PLEKHG1: variants seen among roughly 807,000 people sequenced by gnomAD.
The protein encoded by PLEKHG1 is pleckstrin homology domain-containing family G member 1.
A neutral mutation model predicts 100.8 loss-of-function variants in PLEKHG1; 44 were observed. That is an observed-to-expected ratio of 0.44 (90% CI 0.34 to 0.56). The LOEUF (loss-of-function observed/expected upper bound fraction) is 0.56. Ranked by LOEUF, PLEKHG1 falls within the 20% of genes least tolerant of loss-of-function variation. The probability of loss-of-function intolerance (pLI) is 0.01; values close to 1 mark genes in which losing one functional copy is unlikely to be tolerated. For missense variants in PLEKHG1, 1,545 were observed against 1,720.9 expected (o/e 0.90, Z 1.81); for synonymous variants, 640 against 662.5 (o/e 0.97, Z 0.52).
intron 1 of PLEKHG1, among the ~76,000 whole-genome samples, chr6:150,614,670 T>C (rs563023666): frequency 3.2e-4 from 48 of 152,238 alleles, no homozygotes; most frequent in African/African-American, 1.1e-3. Flanking sequence ...CCGTCCACAC[T>C]CCTGGCTCTC....
intron 2 of PLEKHG1, among the ~76,000 whole-genome samples, chr6:150,737,294 T>C (rs1486281033): frequency 1.3e-5 from 2 of 150,260 alleles, no homozygotes; most frequent in Admixed American, 6.6e-5. Flanking sequence ...TTTTTTTTTT[T>C]TTTTTTTTGA....
intron 1 of PLEKHG1, among the ~76,000 whole-genome samples, chr6:150,622,912 T>C (rs1562389699): frequency 6.6e-6 from 1 of 152,086 alleles, no homozygotes; most frequent in Admixed American, 6.5e-5. Context: ...ATCCCCCCTC[T>C]CAGGGAAAAA....
chr6:150,719,211 G>C (rs1489352628), upstream of PLEKHG1, among the ~76,000 whole-genome samples: 1 of 151,980 alleles, frequency 6.6e-6, no homozygotes, highest in Non-Finnish European at 1.5e-5. Flanking sequence ...CACACACACA[G>C]CAACTTTGCT....
chr6:150,668,217 T>C (rs116837898), intron 3 of PLEKHG1, among the ~76,000 whole-genome samples: 3,678 of 152,314 alleles, frequency 0.024, 80 homozygotes, highest in South Asian at 0.07. Flanking sequence ...TTGGCTGCCC[T>C]ACCTGTAACT....
chr6:150,698,264 A>G (rs140298040), intron 3 of PLEKHG1, among the ~76,000 whole-genome samples: 30 of 152,322 alleles, frequency 2.0e-4, no homozygotes, highest in Non-Finnish European at 3.8e-4. Flanking sequence ...AGTGTTTCCT[A>G]TGTGTGCAGT....
In PLEKHG1 at chr6:150,744,356, G is replaced by A. The variant is rs571820877; in HGVS notation, c.411+10264G>A. On this transcript the variant is annotated intron_variant, in intron 2 of 15. Transcript: ENST00000358517. ...CCCAAAGTGTTGGGATTACAGGTGT[G>A]AGCCACCGCGCCTGGCCCCTGCCCT... Among the ~76,000 whole-genome samples the A allele has an allele frequency of 9.9e-5, 15 of 152,266 alleles. No homozygotes were observed. In the East Asian group the frequency reaches 1.9e-3, roughly 20 times the overall value.
intron 10 of PLEKHG1, among the ~76,000 whole-genome samples, chr6:150,814,850 G>T (rs532410859): frequency 6.6e-6 from 1 of 152,134 alleles, no homozygotes; most frequent in Non-Finnish European, 1.5e-5. Flanking sequence ...CACCCGAGTA[G>T]CTGGGACTAC....
rs1190956331 is a variant in PLEKHG1, at chr6:150,679,234, T to C, written c.-99+28448T>C. Among the ~76,000 whole-genome samples the C allele has an allele frequency of 2.0e-5, 3 of 152,208 alleles. No individual in the cohort carries two copies. In the East Asian group the frequency reaches 5.8e-4, roughly 29 times the overall value. Reference sequence around the variant, plus strand: ...CTTTTCTGAGTCGCTCTGTTCTTAATAATAGCTTTTAATATAATTTAACGT... The same window carrying C: ...CTTTTCTGAGTCGCTCTGTTCTTAACAATAGCTTTTAATATAATTTAACGT... On this transcript the variant is annotated intron_variant, in intron 3 of 3. Transcript: ENST00000367326.
At chr6:150,724,262 A>G (rs1445268184) in intron 1 of PLEKHG1, among the ~76,000 whole-genome samples, 3 of 152,256 alleles carry the variant, frequency 2.0e-5, no homozygotes, top group South Asian at 2.1e-4. Context: ...AGGGGCATAT[A>G]TCGTTTCTAC....
chr6:150,775,156 T>C (rs1562507270), intron 3 of PLEKHG1, among the ~76,000 whole-genome samples: 1 of 152,324 alleles, frequency 6.6e-6, no homozygotes, highest in East Asian at 1.9e-4. Flanking sequence ...GGAAACTGGG[T>C]TAGTCAAAAG....
At position 150,632,424 on chromosome 6, in the gene PLEKHG1, G is replaced by A. The variant is rs115538876; in HGVS notation, c.-203-5656G>A. 7.1e-3 allele frequency among the ~76,000 whole-genome samples: 1,089 copies of A among 152,358 alleles called. 14 individuals are homozygous for A. Among genetic ancestry groups the A allele is most frequent in the African/African-American group, 0.025 (1,028 of 41,586 alleles). On this transcript the variant is annotated intron_variant, in intron 1 of 3. Transcript: ENST00000367326. The stretch of plus-strand genomic sequence containing the variant: ...CCTTGGCCAACCGGACACACCTAGG[G>A]CTGCTCTCAGGGCCTTGGGTGTCTA...
rs541201859 is a variant in PLEKHG1 at position 150,733,520 on chromosome 6, C to T, written c.-98-64C>T. ...TTTATTTGAGCTAGGTTTTTACTTC[C>T]TTTCAACCCTCTGCTTGATAGAATT... On this transcript the variant is annotated intron_variant, in intron 1 of 15. Coordinates refer to ENST00000358517, the Ensembl canonical transcript of PLEKHG1. 15 of 1,402,258 alleles carry T rather than the reference C, an allele frequency of 1.1e-5. No homozygotes were observed. In the African/African-American group the frequency reaches 1.7e-4, roughly 16 times the overall value. 86.9% of individuals were successfully genotyped at this position (1,402,258 alleles called of 1,614,324 possible). A position where few individuals can be genotyped will look rare whatever the true frequency, so the allele number is the denominator to read the frequency against.
At chr6:150,794,093 A>G (rs998380984) in intron 4 of PLEKHG1, among the ~76,000 whole-genome samples, 1 of 151,684 alleles carries the variant, frequency 6.6e-6, no homozygotes, top group Non-Finnish European at 1.5e-5. Context: ...AAAAAATAAA[A>G]CAGAAACTCT....
intron 3 of PLEKHG1, among the ~76,000 whole-genome samples, chr6:150,702,198 G>A (rs1036739243): frequency 4.6e-5 from 7 of 152,314 alleles, no homozygotes; most frequent in Middle Eastern, 3.4e-3. Flanking sequence ...TAGGCTGGGC[G>A]CAGTGGCTCA....
At chr6:150,645,618 G>A (rs1306139226) in intron 2 of PLEKHG1, among the ~76,000 whole-genome samples, 1 of 152,104 alleles carries the variant, frequency 6.6e-6, no homozygotes, top group Admixed American at 6.5e-5. Flanking sequence ...TCACAGGGAA[G>A]GAAACATAGA....
intron 7 of PLEKHG1, among the ~76,000 whole-genome samples, chr6:150,805,765 G>T (rs1787048088): frequency 6.6e-6 from 1 of 152,072 alleles, no homozygotes; most frequent in South Asian, 2.1e-4. Context: ...AACCTCTGGT[G>T]ATCCACCTGC....
intron 1 of PLEKHG1, among the ~76,000 whole-genome samples, chr6:150,727,367 A>T (rs567333401): frequency 3.3e-5 from 5 of 152,314 alleles, no homozygotes; most frequent in African/African-American, 1.2e-4. Context: ...GTTCTGCATG[A>T]AACCTAAATC....
intron 1 of PLEKHG1, among the ~76,000 whole-genome samples, chr6:150,626,977 G>T (rs1192994408): frequency 6.6e-6 from 1 of 152,196 alleles, no homozygotes; most frequent in Non-Finnish European, 1.5e-5. Flanking sequence ...TCTTTATAGT[G>T]CATGGGACAT....
At chr6:150,798,993 G>A (rs1562527946) in intron 5 of PLEKHG1, among the ~76,000 whole-genome samples, 1 of 151,888 alleles carries the variant, frequency 6.6e-6, no homozygotes, top group South Asian at 2.1e-4. Context: ...CACCCGCCTC[G>A]GCCTTCCAAA....
Sources: gnomAD v4.1 joint callset for allele counts (sites outside exome capture counted in the v4.1 genomes callset) on GRCh38, gnomAD v4.1.1 for gene constraint, MANE v1.5 for transcripts, NCBI Gene and HGNC (gene_info 2026-07-23, HGNC 2026-07-21) for gene names.